The following SLC4A8 variants were observed in gnomAD, a reference collection of about 807,000 sequenced individuals.
SLC4A8 encodes electroneutral sodium bicarbonate exchanger 1.
SLC4A8 carries 40 observed loss-of-function variants against 125.0 expected under a neutral mutation model. That is an observed-to-expected ratio of 0.32 (90% confidence interval 0.25 to 0.42). The LOEUF (loss-of-function observed/expected upper bound fraction) is 0.42. Among genes scored for constraint, SLC4A8 ranks in the 10% least tolerant of loss-of-function variants. SLC4A8 has a pLI of 1.00. For synonymous variants in SLC4A8, 456 were observed against 476.0 expected, an observed-to-expected ratio of 0.96 and a Z score of 0.55; for missense variants, 863 against 1,355.1, an observed-to-expected ratio of 0.64 and a Z score of 5.70.
At chr12:51,436,148 C>T (rs868741210) in intron 1 of SLC4A8, among the ~76,000 whole-genome samples, 1 of 152,128 alleles carries the variant, frequency 6.6e-6, no homozygotes, top group Non-Finnish European at 1.5e-5. Flanking sequence ...TCTCTCTTGC[C>T]GAGAATCCCA....
intron 23 of SLC4A8, among the ~76,000 whole-genome samples, chr12:51,505,373 C>T (rs773442693): frequency 6.6e-6 from 1 of 152,176 alleles, no homozygotes. Flanking sequence ...TGTTAATAAT[C>T]TCTGTTGCTA....
chr12:51,497,156 G>A (rs1951482775), intron 22 of SLC4A8, 32 bp downstream of exon 22: 3 of 1,584,806 alleles, frequency 1.9e-6, no homozygotes, highest in Non-Finnish European at 2.6e-6. Flanking sequence ...GTATACCTGG[G>A]GGCCTCAAAT....
At chr12:51,505,799 A>G (rs373649596) in intron 23 of SLC4A8, 36 bp from the exon 24 acceptor site, 2 of 922,926 alleles carry the variant, frequency 2.2e-6, no homozygotes, top group African/African-American at 1.6e-5. Flanking sequence ...TTTTACTTGT[A>G]TGTCTGACAT....
At chr12:51,466,194 A>G (rs913117310) in intron 11 of SLC4A8, among the ~76,000 whole-genome samples, 2 of 152,146 alleles carry the variant, frequency 1.3e-5, no homozygotes, top group African/African-American at 4.8e-5. Context: ...CCTCCCTGAT[A>G]TTGACTAAGG....
chr12:51,426,824 G>A (rs973657445), intron 1 of SLC4A8, among the ~76,000 whole-genome samples: 3 of 152,028 alleles, frequency 2.0e-5, no homozygotes, highest in African/African-American at 7.2e-5. Flanking sequence ...GGAAGCCACT[G>A]AAGGGGTTTA....
intron 16 of SLC4A8, chr12:51,480,232 A>G: frequency 7.9e-7 from 1 of 1,264,056 alleles, no homozygotes; most frequent in Non-Finnish European, 1.0e-6. Flanking sequence ...AGCCTGGCCA[A>G]GTGCTATTCT....
intron 3 of SLC4A8, 26 bp from the exon 4 acceptor site, chr12:51,452,098 A>G: frequency 6.2e-7 from 1 of 1,613,590 alleles, no homozygotes; most frequent in Non-Finnish European, 8.5e-7. Context: ...GCTAGAGCAG[A>G]CCTTTCTCTT....
chr12:51,461,520 A>G lies in SLC4A8; in HGVS notation c.1101+229A>G, dbSNP rs1950323443. On this transcript the variant is annotated intron_variant, in intron 9 of 24. Coordinates refer to ENST00000453097, the MANE Select transcript of SLC4A8 (RefSeq NM_001039960.3). ...TTTGAGTAATCAAGAATGCAGAGAA[A>G]TCTTTTTCTGGGGAAACTATTATTG... is the stretch of plus-strand genomic sequence containing the variant. The G allele has an allele frequency of 3.2e-5, 13 of 401,372 alleles. No homozygotes were observed. In the South Asian group the frequency reaches 6.1e-4, roughly 19 times the overall value. 24.9% of individuals were successfully genotyped at this position (401,372 alleles called of 1,614,324 possible).
At chr12:51,406,839 A>C (rs1428804739) in intron 1 of SLC4A8, among the ~76,000 whole-genome samples, 1 of 152,222 alleles carries the variant, frequency 6.6e-6, no homozygotes, top group African/African-American at 2.4e-5. Flanking sequence ...TCATTGCAGC[A>C]GGGGACTGCA....
intron 1 of SLC4A8, among the ~76,000 whole-genome samples, chr12:51,404,543 T>TC (rs1433849817): frequency 1.1e-4 from 16 of 152,046 alleles, no homozygotes; most frequent in African/African-American, 3.9e-4. Flanking sequence ...GATGAACTCC[T>TC]CCCCCCGTCT....
In SLC4A8 at chr12:51,484,126, C is replaced by T. The variant is rs529972936; in HGVS notation, c.2173-1661C>T. Among the ~76,000 whole-genome samples, 16 of 152,056 alleles carry T rather than the reference C, an allele frequency of 1.1e-4. No homozygotes were observed. In the East Asian group the frequency reaches 3.1e-3, roughly 29 times the overall value. On this transcript the variant is annotated intron_variant, in intron 16 of 24. Coordinates refer to ENST00000453097, the MANE Select transcript of SLC4A8 (RefSeq NM_001039960.3). ...TACAGGGTACATAAATGGGAGGACTCAGTTAATTAGATATTTAGTGTACAC... is the reference window on the plus strand; with the variant it reads ...TACAGGGTACATAAATGGGAGGACTTAGTTAATTAGATATTTAGTGTACAC...
intron 1 of SLC4A8, among the ~76,000 whole-genome samples, chr12:51,398,788 C>T (rs1464050897): frequency 3.3e-5 from 5 of 152,182 alleles, no homozygotes; most frequent in African/African-American, 7.2e-5. Context: ...CTCGCTCTGT[C>T]GCGCAGTCTG....
At chr12:51,433,884 G>GTTTTTTTTTTT (rs1565772495) in intron 1 of SLC4A8, among the ~76,000 whole-genome samples, 3 of 72,204 alleles carry the variant, frequency 4.2e-5, no homozygotes, top group Non-Finnish European at 5.6e-5. Context: ...TTTTTGGTTG[G>GTTTTTTTTTTT]TTTTTTTTTG....
rs922050743 is a variant in SLC4A8, at chr12:51,457,330, A to AT, written c.575-20dup. ...TCATTAACCCTCAATCTGAGTGTTC[A>AT]TGTGAGTGCCTGCTTTCCAGACCTG... On this transcript the variant is annotated intron_variant, in intron 5 of 24. Coordinates refer to ENST00000453097, the MANE Select transcript of SLC4A8 (RefSeq NM_001039960.3). 5 of 1,609,682 alleles carry AT rather than the reference A, an allele frequency of 3.1e-6. No homozygotes were observed. In the African/African-American group the frequency reaches 6.7e-5, roughly 22 times the overall value.
At chr12:51,474,071 A>G (rs1950791396) in intron 14 of SLC4A8, among the ~76,000 whole-genome samples, 1 of 152,190 alleles carries the variant, frequency 6.6e-6, no homozygotes, top group African/African-American at 2.4e-5. Context: ...ACAACCAATC[A>G]AGACTCATTC....
rs752712860 is a variant in SLC4A8, at chr12:51,513,466, G to A, written c.*6028G>A. On this transcript the variant is annotated 3_prime_UTR_variant, in exon 25 of 25. Transcript: ENST00000453097. ...CTTTTGTTTTTTGTTTTTTGTTTTT[G>A]AGACGGAGTCTCGCTCTGTCGCTTT... 3.4e-5 allele frequency: 5 copies of A among 148,692 alleles called. No homozygotes were observed. Among genetic ancestry groups the A allele is most frequent in the Non-Finnish European group, 7.4e-5 (5 of 67,248 alleles). The allele number at this position is 148,692 out of a possible 1,614,324, so 9.2% of individuals were successfully genotyped here.
chr12:51,470,998 CT>C (rs898436652), intron 13 of SLC4A8, among the ~76,000 whole-genome samples: 1 of 152,046 alleles, frequency 6.6e-6, no homozygotes, highest in South Asian at 2.1e-4. Context: ...TGGCCAGCCC[CT>C]TTTTTTCTTA....
intron 1 of SLC4A8, among the ~76,000 whole-genome samples, chr12:51,434,872 C>T (rs1330808420): frequency 6.6e-6 from 1 of 152,012 alleles, no homozygotes; most frequent in Admixed American, 6.6e-5. Context: ...TATGAGAAAA[C>T]ATCTGATCAA....
chr12:51,425,387 C>T (rs767718274), intron 1 of SLC4A8: 533 of 1,120,478 alleles, frequency 4.8e-4, no homozygotes, highest in Non-Finnish European at 5.5e-4. Context: ...AGAACGTGGG[C>T]AGAAAGGGTA....
Sources: gnomAD v4.1 joint callset for allele counts (sites outside exome capture counted in the v4.1 genomes callset) on GRCh38, gnomAD v4.1.1 for gene constraint, MANE v1.5 for transcripts, NCBI Gene and HGNC (gene_info 2026-07-23, HGNC 2026-07-21) for gene names.